The following CTNND2 variants were observed in gnomAD, a reference collection of about 807,000 sequenced individuals.
CTNND2 encodes the protein catenin delta 2.
In CTNND2, 22 loss-of-function variants were observed where a neutral mutation model predicts 144.4. The observed-to-expected ratio is 0.15, with a 90% CI of 0.11 to 0.22. CTNND2 has a LOEUF of 0.22. CTNND2 is among the 10% of genes least tolerant of loss of function. The pLI is 1.00. For synonymous variants in CTNND2, 751 were observed against 695.6 expected, an observed-to-expected ratio of 1.08 and a Z score of -1.25; for missense variants, 1,353 against 1,618.8, an observed-to-expected ratio of 0.84 and a Z score of 2.82.
chr5:11,672,335 C>T (rs770551834), intron 2 of CTNND2, among the ~76,000 whole-genome samples: 6 of 152,186 alleles, frequency 3.9e-5, no homozygotes, highest in Non-Finnish European at 8.8e-5. Flanking sequence ...CTGCTCTCTT[C>T]AGAGCTGTCA....
At chr5:11,592,780 C>A (rs112690924) in intron 2 of CTNND2, among the ~76,000 whole-genome samples, 1 of 151,044 alleles carries the variant, frequency 6.6e-6, no homozygotes, top group Admixed American at 6.6e-5. Flanking sequence ...AAATTTATAT[C>A]GAAATGCACA....
In CTNND2 at chr5:11,032,708, A is replaced by G. The variant is rs527631335; in HGVS notation, c.2789-9729T>C. Among the ~76,000 whole-genome samples the G allele has an allele frequency of 3.9e-5, 6 of 152,358 alleles. No individual in the cohort carries two copies. In the East Asian group the frequency reaches 1.2e-3, roughly 29 times the overall value. On this transcript the variant is annotated intron_variant, in intron 16 of 21. Transcript: ENST00000304623. ...ATCAAAAGGAACACTATGTGCTACA[A>G]CGTGAAAAGATTTGAATGGTATTAT... is the stretch of plus-strand genomic sequence containing the variant.
chr5:11,288,795 C>T (rs1332168541), intron 9 of CTNND2, among the ~76,000 whole-genome samples: 2 of 145,702 alleles, frequency 1.4e-5, no homozygotes, highest in Admixed American at 7.0e-5. Flanking sequence ...ATATGAGATC[C>T]TATGATGAGA....
At chr5:11,542,184 C>T (rs557615734) in intron 3 of CTNND2, among the ~76,000 whole-genome samples, 2 of 152,160 alleles carry the variant, frequency 1.3e-5, no homozygotes, top group Non-Finnish European at 2.9e-5. Flanking sequence ...ATGAACTGCG[C>T]CAGATTCTAA....
intron 2 of CTNND2, among the ~76,000 whole-genome samples, chr5:11,641,689 TGTGTGTATATACATATAC>T (rs1561648677): frequency 6.9e-5 from 8 of 115,760 alleles, no homozygotes; most frequent in African/African-American, 3.3e-4. Context: ...TACATATACG[TGTGTGTATATACATATAC>T]GTGTGTGTAT....
chr5:11,766,565 G>C (rs751301896), intron 1 of CTNND2, among the ~76,000 whole-genome samples: 2 of 152,036 alleles, frequency 1.3e-5, no homozygotes, highest in African/African-American at 4.8e-5. Flanking sequence ...AGGCTTCCCC[G>C]GCCACATAGA....
At chr5:11,847,872 A>G (rs2126997606) in intron 1 of CTNND2, among the ~76,000 whole-genome samples, 1 of 152,278 alleles carries the variant, frequency 6.6e-6, no homozygotes, top group African/African-American at 2.4e-5. Context: ...ATATCTACAG[A>G]TATTTTCATT....
chr5:11,821,273 A>G (rs1793291211), intron 1 of CTNND2, among the ~76,000 whole-genome samples: 1 of 152,226 alleles, frequency 6.6e-6, no homozygotes, highest in Non-Finnish European at 1.5e-5. Context: ...AGCTGATGTT[A>G]CATAAACTGA....
At chr5:11,688,244 G>A (rs1423480271) in intron 2 of CTNND2, among the ~76,000 whole-genome samples, 1 of 152,124 alleles carries the variant, frequency 6.6e-6, no homozygotes, top group Non-Finnish European at 1.5e-5. Context: ...GAGGACATCT[G>A]AAACCTCTAT....
intron 2 of CTNND2, among the ~76,000 whole-genome samples, chr5:11,623,808 G>GTA (rs58954001): frequency 0.037 from 1,513 of 40,384 alleles, 29 homozygotes; most frequent in Non-Finnish European, 0.046. Context: ...ATGTGTGTAT[G>GTA]TATATATATA....
At chr5:11,445,745 A>G (rs1430481080) in intron 3 of CTNND2, among the ~76,000 whole-genome samples, 1 of 152,238 alleles carries the variant, frequency 6.6e-6, no homozygotes, top group African/African-American at 2.4e-5. Context: ...GTGAGGTGAA[A>G]CTGCTGGAAG....
intron 1 of CTNND2, among the ~76,000 whole-genome samples, chr5:11,740,870 G>A (rs1009317323): frequency 3.9e-5 from 6 of 152,102 alleles, no homozygotes; most frequent in Admixed American, 3.9e-4. Context: ...CAAAAAGTGG[G>A]CAAAGGACAC....
Position 11,564,933 on chromosome 5 carries a change from G to T in CTNND2, c.287+11C>A. 6.3e-7 allele frequency: 1 copy of T among 1,588,604 alleles called. No homozygotes were observed. The highest frequency in any genetic ancestry group is 2.2e-5 in the East Asian group (1 of 44,658). On this transcript the variant is annotated intron_variant, in intron 3 of 21. Transcript: ENST00000304623. ...TCAAAGCACAGACAATGAACAGAGCGGCGCTAGTACCTCATGCTGCTCATG... is the reference window on the plus strand; with the variant it reads ...TCAAAGCACAGACAATGAACAGAGCTGCGCTAGTACCTCATGCTGCTCATG...
chr5:11,204,783 T>C (rs980572445), intron 10 of CTNND2, among the ~76,000 whole-genome samples: 4 of 152,142 alleles, frequency 2.6e-5, no homozygotes, highest in South Asian at 2.1e-4. Flanking sequence ...CAGCTTGCAA[T>C]AGAATTCCTC....
intron 1 of CTNND2, among the ~76,000 whole-genome samples, chr5:11,885,298 T>C (rs1263278579): frequency 6.6e-6 from 1 of 152,138 alleles, no homozygotes; most frequent in Non-Finnish European, 1.5e-5. Flanking sequence ...AACTCTTCTG[T>C]TTTGGGAGAC....
chr5:11,276,953 T>G (rs1746601706), intron 9 of CTNND2, among the ~76,000 whole-genome samples: 1 of 152,230 alleles, frequency 6.6e-6, no homozygotes, highest in Non-Finnish European at 1.5e-5. Context: ...ATTTCTCGAT[T>G]TTAGACCTCT....
At chr5:11,883,007 A>C (rs969488601) in intron 1 of CTNND2, among the ~76,000 whole-genome samples, 1 of 152,022 alleles carries the variant, frequency 6.6e-6, no homozygotes, top group Non-Finnish European at 1.5e-5. Flanking sequence ...TATAGTTTTA[A>C]TTGCTGAACT....
At chr5:11,323,702 T>C (rs1029552208) in intron 9 of CTNND2, among the ~76,000 whole-genome samples, 1 of 152,172 alleles carries the variant, frequency 6.6e-6, no homozygotes, top group Non-Finnish European at 1.5e-5. Flanking sequence ...ATTGCAATTA[T>C]GGTTTTTGCC....
intron 9 of CTNND2, among the ~76,000 whole-genome samples, chr5:11,326,192 C>A (rs1752503939): frequency 6.6e-6 from 1 of 152,166 alleles, no homozygotes; most frequent in African/African-American, 2.4e-5. Context: ...TTCTGGCCTG[C>A]AGGTTGTGGT....
Sources: allele counts gnomAD v4.1 joint callset (sites outside exome capture counted in the v4.1 genomes callset), GRCh38; gene constraint gnomAD v4.1.1; transcripts MANE v1.5; gene names NCBI Gene and HGNC (gene_info 2026-07-23, HGNC 2026-07-21).